LUZP1: variants seen among roughly 807,000 people sequenced by gnomAD.
LUZP1 encodes leucine zipper protein 1.
Under a neutral mutation model 71.3 loss-of-function variants are expected in LUZP1, and 25 were observed. That is an observed-to-expected ratio of 0.35 (90% confidence interval 0.26 to 0.49). The LOEUF (loss-of-function observed/expected upper bound fraction) is 0.49, where lower values mean the gene tolerates loss of function less well. Among genes scored for constraint, LUZP1 ranks in the 20% least tolerant of loss-of-function variants. The probability of loss-of-function intolerance (pLI) is 0.99; values close to 1 mark genes in which losing one functional copy is unlikely to be tolerated. For missense variants in LUZP1, 1,142 were observed against 1,300.8 expected (o/e 0.88, Z 1.88); for synonymous variants, 481 against 506.4 (o/e 0.95, Z 0.67).
In LUZP1 at chr1:23,093,244, G is replaced by C. The variant is rs140301548; in HGVS notation, c.1018C>G (p.Leu340Val). 1.3e-4 allele frequency: 203 copies of C among 1,613,740 alleles called. 1 individual carries two copies. The African/African-American group carries it at 2.4e-3, about 19-fold the overall frequency. Residue 340 changes from leucine to valine, a missense_variant, in exon 4 of 5, where the codon CTG becomes GTG. Leu to Val is a conservative substitution (Grantham distance 32). Transcript: ENST00000302291. The surrounding 1 kb of genome is among the most constrained non-coding windows in gnomAD (Gnocchi z 4.2). ...TTGATTTGTAGCTTTATCTCCTCCA[G>C]TTGGCTGGCTAATAATTTGTTTTTA...
intron 2 of LUZP1, among the ~76,000 whole-genome samples, chr1:23,154,823 G>T (rs1393645313): frequency 1.3e-5 from 2 of 151,260 alleles, no homozygotes; most frequent in Non-Finnish European, 2.9e-5. Flanking sequence ...CAAAGTGCTG[G>T]GATTCTTTCC....
intron 2 of LUZP1, among the ~76,000 whole-genome samples, chr1:23,130,887 G>A (rs1013273329): frequency 1.3e-4 from 20 of 151,820 alleles, no homozygotes; most frequent in Non-Finnish European, 2.1e-4. Flanking sequence ...GGCCTCCTGG[G>A]TCCTCACGTC....
chr1:23,093,521 A>G lies in LUZP1; in HGVS notation c.741T>C (p.Ser247=), dbSNP rs1002763223. ...TTGATTCTTTGGACGGCAGTGTGGA[A>G]GAGATGCCATCCTCAATCCGTAGGT... The change falls in exon 4 of 5, where the codon TCT becomes TCC. Residue 247 remains serine (S), a synonymous_variant. Transcript: ENST00000302291. This position sits in a 1 kb window ranked among gnomAD's most constrained non-coding sequence, Gnocchi z 4.2. 9 of 1,613,598 alleles carry G rather than the reference A, an allele frequency of 5.6e-6. No individual in the cohort carries two copies. Among genetic ancestry groups the G allele is most frequent in the African/African-American group, 4.0e-5 (3 of 74,888 alleles).
chr1:23,139,045 T>TATATATATATAC (rs1389415209), intron 2 of LUZP1, among the ~76,000 whole-genome samples: 10 of 119,714 alleles, frequency 8.4e-5, no homozygotes, highest in Admixed American at 1.9e-4. Flanking sequence ...TATATATATA[T>TATATATATATAC]ACACACATCA....
chr1:23,138,263 C>T (rs1303493010), intron 2 of LUZP1, among the ~76,000 whole-genome samples: 3 of 151,988 alleles, frequency 2.0e-5, no homozygotes, highest in East Asian at 3.9e-4. Flanking sequence ...CGTGAGCCAC[C>T]GCACCCGACC....
At position 23,152,915 on chromosome 1, in the gene LUZP1, T is replaced by C. The variant is rs138627832; in HGVS notation, c.-226+15851A>G. On this transcript the variant is annotated intron_variant, in intron 2 of 4. Coordinates refer to ENST00000302291, the Ensembl canonical transcript of LUZP1. ...GTTATTAAGTCCCATCTCTTCCTTC[T>C]CCAAAATCTCTCCAATATATTCCTT... 2.3e-3 allele frequency among the ~76,000 whole-genome samples: 346 copies of C among 152,254 alleles called. 3 individuals are homozygous for C. Among genetic ancestry groups the C allele is most frequent in the African/African-American group, 7.6e-3 (316 of 41,568 alleles).
rs189370052 is a variant in LUZP1, at chr1:23,113,603, C to T, written c.-225-4476G>A. Among the ~76,000 whole-genome samples the T allele has an allele frequency of 2.6e-3, 388 of 150,662 alleles. 4 individuals carry two copies. The highest frequency in any genetic ancestry group is 8.7e-3 in the African/African-American group (357 of 40,972). ...AGGTAAAAGAAAATATGCTCAAGGC[C>T]GGACACGGTGGCTCATGCCTGTAAT... On this transcript the variant is annotated intron_variant, in intron 2 of 4. Coordinates refer to ENST00000302291, the Ensembl canonical transcript of LUZP1.
intron 2 of LUZP1, among the ~76,000 whole-genome samples, chr1:23,147,136 G>A (rs1398508530): frequency 7.7e-6 from 1 of 130,492 alleles, no homozygotes; most frequent in South Asian, 2.7e-4. Context: ...TAACTACATG[G>A]GCTTTAAGAA....
At chr1:23,161,983 G>A (rs796389088) in intron 2 of LUZP1, among the ~76,000 whole-genome samples, 4 of 132,562 alleles carry the variant, frequency 3.0e-5, no homozygotes, top group East Asian at 2.2e-4. Flanking sequence ...CTGAGATCGC[G>A]CCACTGCACT....
At chr1:23,109,836 C>T (rs1180525710) in intron 2 of LUZP1, among the ~76,000 whole-genome samples, 1 of 152,030 alleles carries the variant, frequency 6.6e-6, no homozygotes, top group African/African-American at 2.4e-5. Context: ...GGATACTCAA[C>T]CTTCAGTTAA....
intron 2 of LUZP1, among the ~76,000 whole-genome samples, chr1:23,165,173 G>A (rs1644500111): frequency 6.6e-6 from 1 of 151,930 alleles, no homozygotes; most frequent in Non-Finnish European, 1.5e-5. Context: ...TATTGAATCT[G>A]AGCATAGAAA....
chr1:23,160,669 T>C (rs1178390652), intron 2 of LUZP1, among the ~76,000 whole-genome samples: 1 of 152,228 alleles, frequency 6.6e-6, no homozygotes, highest in Non-Finnish European at 1.5e-5. Context: ...TCATTGGTCA[T>C]CAAAAACTCT....
chr1:23,084,734 C>CA (rs930899387), exon 5 of LUZP1: 2 of 151,456 alleles, frequency 1.3e-5, no homozygotes, highest in South Asian at 2.1e-4. Flanking sequence ...AAGGCTTTTC[C>CA]CCCCCTAGTC....
intron 3 of LUZP1, among the ~76,000 whole-genome samples, chr1:23,103,874 G>A (rs1643954780): frequency 9.3e-5 from 1 of 10,762 alleles, no homozygotes; most frequent in African/African-American, 3.4e-4. Flanking sequence ...GAGGGAGGGA[G>A]GGAGGGAGAG....
At chr1:23,171,467 T>C (rs1158804899) in intron 1 of LUZP1, among the ~76,000 whole-genome samples, 1 of 152,210 alleles carries the variant, frequency 6.6e-6, no homozygotes, top group Non-Finnish European at 1.5e-5. Flanking sequence ...GCTTCATGCC[T>C]TTCTCCTCTC....
At chr1:23,126,716 C>G (rs1283781373) in intron 2 of LUZP1, among the ~76,000 whole-genome samples, 2 of 152,308 alleles carry the variant, frequency 1.3e-5, no homozygotes, top group East Asian at 3.9e-4. Context: ...ATTGACCATA[C>G]TGTCAGCTGT....
At chr1:23,091,427 T>G (rs758680253) in exon 4 of LUZP1, 1 of 1,614,194 alleles carries the variant, frequency 6.2e-7, no homozygotes, top group Non-Finnish European at 8.5e-7. Context: ...TATTGGTAGA[T>G]TCCACGTTTT....
chr1:23,095,780 A>T (rs1195643906), intron 3 of LUZP1, among the ~76,000 whole-genome samples: 1 of 152,234 alleles, frequency 6.6e-6, no homozygotes, highest in Non-Finnish European at 1.5e-5. Flanking sequence ...ACCTGCTCTC[A>T]CTTGAATTCA....
At chr1:23,106,094 T>G (rs1470828014) in intron 3 of LUZP1, among the ~76,000 whole-genome samples, 3 of 152,202 alleles carry the variant, frequency 2.0e-5, no homozygotes, top group Admixed American at 6.5e-5. Flanking sequence ...ACTGAACTTG[T>G]ACCGATCGTT....
Sources: allele counts gnomAD v4.1 joint callset (sites outside exome capture counted in the v4.1 genomes callset), GRCh38; gene constraint gnomAD v4.1.1; non-coding constraint Gnocchi (gnomAD v3.1); transcripts MANE v1.5; gene names NCBI Gene and HGNC (gene_info 2026-07-23, HGNC 2026-07-21).